Variants in SCN11A observed in about 807,000 individuals in gnomAD.
SCN11A encodes the protein sodium channel protein type 11 subunit alpha.
In SCN11A, 122 loss-of-function variants were observed where a neutral mutation model predicts 162.2. That is an observed-to-expected ratio of 0.75 (90% confidence interval 0.65 to 0.87). The LOEUF is 0.87. Among genes scored for constraint, SCN11A ranks in the 40% least tolerant of loss-of-function variants. The pLI is 0.00. For synonymous variants in SCN11A, 758 were observed against 751.5 expected (o/e 1.01, Z -0.14); for missense variants, 2,015 against 2,181.6 (o/e 0.92, Z 1.52).
At chr3:38,991,952 G>A (rs1158903719) in intron 2 of SCN11A, among the ~76,000 whole-genome samples, 1 of 152,146 alleles carries the variant, frequency 6.6e-6, no homozygotes, top group African/African-American at 2.4e-5. Context: ...GGGATTACAG[G>A]CGTGCACCAC....
chr3:38,849,137 A>G (rs912118459), intron 29 of SCN11A: 1 of 151,438 alleles, frequency 6.6e-6, no homozygotes, highest in Non-Finnish European at 1.5e-5. Context: ...AAAGTGCATG[A>G]TGCCTGGCAC....
At chr3:38,925,652 C>G in intron 8 of SCN11A, 143 bp from the exon 9 acceptor site, 1 of 623,562 alleles carries the variant, frequency 1.6e-6, no homozygotes, top group African/African-American at 1.8e-5. Flanking sequence ...CCAGCCCCAC[C>G]TTTATCTTAG....
chr3:38,979,935 C>T (rs189340623), intron 2 of SCN11A, among the ~76,000 whole-genome samples: 184 of 152,308 alleles, frequency 1.2e-3, no homozygotes, highest in African/African-American at 4.2e-3. Flanking sequence ...CCCACCCTGC[C>T]CATTCAGCTT....
intron 2 of SCN11A, among the ~76,000 whole-genome samples, chr3:39,019,953 T>C (rs1334180000): frequency 6.6e-6 from 1 of 152,340 alleles, no homozygotes; most frequent in East Asian, 1.9e-4. Context: ...TTCCACATTA[T>C]GAGTAAAGGC....
chr3:38,950,654 A>C (rs188157053), intron 4 of SCN11A: 152 of 408,848 alleles, frequency 3.7e-4, no homozygotes, highest in Admixed American at 4.3e-4. Flanking sequence ...TGAGCAGAAG[A>C]AGCCCAGTCT....
intron 2 of SCN11A, among the ~76,000 whole-genome samples, chr3:38,999,009 T>C (rs545943791): frequency 1.4e-3 from 214 of 152,080 alleles, no homozygotes; most frequent in Non-Finnish European, 2.3e-3. Flanking sequence ...TATACATATG[T>C]AACTAACCTG....
At chr3:38,880,301 A>C (rs1220924641) in intron 22 of SCN11A, among the ~76,000 whole-genome samples, 178 bp from the exon 23 acceptor site, 6 of 152,202 alleles carry the variant, frequency 3.9e-5, no homozygotes, top group African/African-American at 1.4e-4. Flanking sequence ...TCCTTGAGTA[A>C]GTAAAAATGG....
rs1012075315 is a variant in SCN11A, at chr3:38,960,391, C to T, written c.-247G>A. ...TTCGAGCTTCTGCTCCTGGCAGCTG[C>T]CTGGAGCCCTTCTGGGAGGAGCGGC... On this transcript the variant is annotated 5_prime_UTR_variant, in exon 3 of 30. Coordinates refer to ENST00000302328, the MANE Select transcript of SCN11A (RefSeq NM_001349253.2). Among the ~76,000 whole-genome samples the T allele has an allele frequency of 1.3e-5, 2 of 152,158 alleles. No individual in the cohort carries two copies. The highest frequency in any genetic ancestry group is 2.9e-5 in the Non-Finnish European group (2 of 68,024).
intron 7 of SCN11A, among the ~76,000 whole-genome samples, 200 bp downstream of exon 7, chr3:38,945,207 CAAAG>C (rs925378979): frequency 6.6e-6 from 1 of 151,998 alleles, no homozygotes; most frequent in Non-Finnish European, 1.5e-5. Context: ...TATGTAAACA[CAAAG>C]AAAACCACTT....
chr3:38,856,286 T>C (rs1217461538), intron 28 of SCN11A, among the ~76,000 whole-genome samples: 2 of 152,170 alleles, frequency 1.3e-5, no homozygotes, highest in Non-Finnish European at 2.9e-5. Context: ...GAGGCATCTA[T>C]AGACAGCCTG....
At chr3:39,020,632 C>T (rs1309914963) in intron 2 of SCN11A, among the ~76,000 whole-genome samples, 7 of 152,150 alleles carry the variant, frequency 4.6e-5, no homozygotes, top group South Asian at 4.1e-4. Context: ...GACTGAGCTT[C>T]GGTCACCCAC....
At chr3:39,046,184 T>TG (rs2032176597) in intron 1 of SCN11A, among the ~76,000 whole-genome samples, 1 of 151,640 alleles carries the variant, frequency 6.6e-6, no homozygotes, top group South Asian at 2.1e-4. Context: ...CACTTGAATC[T>TG]GGGAGGTGGA....
intron 1 of SCN11A, among the ~76,000 whole-genome samples, chr3:39,033,164 AAAG>A (rs2125612342): frequency 1.3e-5 from 2 of 149,138 alleles, no homozygotes; most frequent in South Asian, 4.3e-4. Flanking sequence ...AAAAAAAAAA[AAAG>A]AGAGAGAGAG....
chr3:38,863,585 A>T (rs2126089583), intron 27 of SCN11A, among the ~76,000 whole-genome samples: 1 of 152,270 alleles, frequency 6.6e-6, no homozygotes, highest in African/African-American at 2.4e-5. Context: ...CAAAAATTTG[A>T]TATATTTCAG....
chr3:38,954,171 T>C (rs908493240), intron 3 of SCN11A, among the ~76,000 whole-genome samples: 10 of 152,358 alleles, frequency 6.6e-5, no homozygotes, highest in Admixed American at 4.6e-4. Context: ...AAGCTCATTA[T>C]TGATAGGTCT....
intron 3 of SCN11A, among the ~76,000 whole-genome samples, chr3:38,953,990 C>G (rs1401814180): frequency 6.6e-6 from 1 of 152,116 alleles, no homozygotes; most frequent in Non-Finnish European, 1.5e-5. Flanking sequence ...AGGTTAGCCC[C>G]AAACAAAGTA....
At chr3:38,881,201 T>C (rs574181489) in intron 22 of SCN11A, among the ~76,000 whole-genome samples, 7 of 152,314 alleles carry the variant, frequency 4.6e-5, no homozygotes, top group Admixed American at 3.3e-4. Flanking sequence ...TCCAGCAGGA[T>C]TGGGTTAGGT....
At chr3:38,957,554 A>G (rs1056887822) in intron 3 of SCN11A, among the ~76,000 whole-genome samples, 3 of 152,194 alleles carry the variant, frequency 2.0e-5, no homozygotes, top group Admixed American at 1.3e-4. Context: ...GGGGAATGAC[A>G]GAGCCTGGGA....
At chr3:38,964,163 G>A (rs936770235) in intron 2 of SCN11A, among the ~76,000 whole-genome samples, 3 of 152,206 alleles carry the variant, frequency 2.0e-5, no homozygotes, top group African/African-American at 7.2e-5. Flanking sequence ...CAACAGACAC[G>A]TTCAGAGGCG....
Sources: gnomAD v4.1 joint callset for allele counts (sites outside exome capture counted in the v4.1 genomes callset) on GRCh38, gnomAD v4.1.1 for gene constraint, MANE v1.5 for transcripts, NCBI Gene and HGNC (gene_info 2026-07-23, HGNC 2026-07-21) for gene names.